Variants in UBAP2 observed in about 807,000 individuals in gnomAD.
UBAP2 encodes ubiquitin-associated protein 2.
A neutral mutation model predicts 139.6 loss-of-function variants in UBAP2; 75 were observed. That is an observed-to-expected ratio of 0.54 (90% CI 0.45 to 0.65). UBAP2 has a LOEUF of 0.65. UBAP2 is among the 30% of genes least tolerant of loss of function. The pLI is 0.00. For synonymous variants in UBAP2, 526 were observed against 526.2 expected, an observed-to-expected ratio of 1.00 and a Z score of 0.01; for missense variants, 1,368 against 1,369.6, an observed-to-expected ratio of 1.00 and a Z score of 0.02.
In UBAP2 at chr9:33,922,722, G is replaced by A; in HGVS notation, c.3229C>T (p.Gln1077Ter). 1.3e-6 allele frequency: 2 copies of A among 1,551,692 alleles called. No homozygotes were observed. The highest frequency in any genetic ancestry group is 1.4e-5 in the African/African-American group (1 of 73,216). Residue 1077 changes from glutamine (Q) to a stop codon, truncating the protein, a stop_gained, in exon 28 of 29, where the codon CAG becomes TAG. Coordinates refer to ENST00000379238, the MANE Select transcript of UBAP2 (RefSeq NM_001370062.2). LOFTEE classifies it high-confidence loss of function. ...ILPAHQQPHS[Q>*]LLHHHLPQDA... ...TGCGGAAGGTGGTGGTGCAGCAGCT[G>A]TGAGTGGGGCTGCTGGTGGGCTGGC...
chr9:33,923,708 C>T, intron 24 of UBAP2, 87 bp downstream of exon 24: 2 of 1,399,386 alleles, frequency 1.4e-6, no homozygotes, highest in South Asian at 1.2e-5. Context: ...TCACAACCCT[C>T]CCTCCCTGCT....
intron 8 of UBAP2, chr9:33,968,187 T>C (rs1023684841): frequency 2.4e-5 from 15 of 613,610 alleles, no homozygotes; most frequent in Admixed American, 2.4e-4. Flanking sequence ...GGTTTTGGGA[T>C]ATTTGGTGCA....
At chr9:33,953,103 C>G (rs954971039) in intron 12 of UBAP2, among the ~76,000 whole-genome samples, 182 bp downstream of exon 12, 4 of 152,160 alleles carry the variant, frequency 2.6e-5, no homozygotes, top group Non-Finnish European at 5.9e-5. Context: ...CTCCTGGGTT[C>G]AAGTAATCCT....
intron 1 of UBAP2, among the ~76,000 whole-genome samples, chr9:34,034,216 T>C (rs1826131353): frequency 2.0e-5 from 3 of 152,214 alleles, no homozygotes; most frequent in African/African-American, 7.2e-5. Flanking sequence ...ACATCATCTC[T>C]AGGTTTTATT....
intron 1 of UBAP2, among the ~76,000 whole-genome samples, chr9:34,020,465 G>C (rs1487314911): frequency 6.6e-6 from 1 of 151,726 alleles, no homozygotes; most frequent in Non-Finnish European, 1.5e-5. Flanking sequence ...ACTGGGACCA[G>C]AGGCACGCGC....
chr9:33,956,347 C>A (rs1015276740), intron 10 of UBAP2, among the ~76,000 whole-genome samples: 4 of 142,688 alleles, frequency 2.8e-5, no homozygotes, highest in African/African-American at 1.1e-4. Flanking sequence ...GAGACAGGGT[C>A]TGGCGCTGTT....
intron 8 of UBAP2, among the ~76,000 whole-genome samples, chr9:33,964,641 A>G (rs1012937476): frequency 2.0e-5 from 3 of 151,872 alleles, no homozygotes; most frequent in Non-Finnish European, 4.4e-5. Context: ...TTGAGGTTGT[A>G]GTGCACTAAG....
rs966663965 is a variant in UBAP2, at chr9:33,926,930, G to A, written c.2463+59C>T. 1.9e-6 allele frequency: 3 copies of A among 1,554,334 alleles called. No individual in the cohort carries two copies. The South Asian group carries it at 3.3e-5, about 17-fold the overall frequency. On this transcript the variant is annotated intron_variant, in intron 21 of 28. Coordinates refer to ENST00000379238, the MANE Select transcript of UBAP2 (RefSeq NM_001370062.2). ...TGGGCCCAACGCCAGGTTCCTGCCA[G>A]GTGCCAGCCCCCGAGGCCAGGGGAG...
Position 33,927,081 on chromosome 9 carries a change from C to G in UBAP2, c.2372-1G>C. 2 of 1,609,200 alleles carry G rather than the reference C, an allele frequency of 1.2e-6. No homozygotes were observed. On this transcript the variant is annotated splice_acceptor_variant, in intron 20 of 28. Transcript: ENST00000379238. LOFTEE classifies it high-confidence loss of function. ...TGAGGTAAGTTTGGGGGTGCTTTGCCTGTATAGAGGGAAAAATCAAATGGA... is the reference window on the plus strand; with the variant it reads ...TGAGGTAAGTTTGGGGGTGCTTTGCGTGTATAGAGGGAAAAATCAAATGGA...
chr9:34,028,423 A>G (rs1825602281), intron 1 of UBAP2, among the ~76,000 whole-genome samples: 1 of 148,462 alleles, frequency 6.7e-6, no homozygotes, highest in Non-Finnish European at 1.5e-5. Context: ...GTTGTCACCC[A>G]GGCTGGAGTG....
intron 16 of UBAP2, among the ~76,000 whole-genome samples, chr9:33,936,675 A>C (rs1824549725): frequency 6.6e-6 from 1 of 152,172 alleles, no homozygotes; most frequent in African/African-American, 2.4e-5. Flanking sequence ...CAAATAAATA[A>C]ATAAAGGAGA....
chr9:34,028,568 A>G (rs1029532817), intron 1 of UBAP2, among the ~76,000 whole-genome samples: 5 of 151,674 alleles, frequency 3.3e-5, no homozygotes, highest in Non-Finnish European at 4.4e-5. Context: ...TTTGGTAGAG[A>G]TGGGGTTCAC....
At position 33,963,632 on chromosome 9, in the gene UBAP2, A is replaced by G; in HGVS notation, c.745+94T>C. On this transcript the variant is annotated intron_variant, in intron 9 of 28. Coordinates refer to ENST00000379238, the MANE Select transcript of UBAP2 (RefSeq NM_001370062.2). The stretch of plus-strand genomic sequence containing the variant: ...TAGTTTACAAACATTTATCTGATAA[A>G]TTTTTATTAGCTAGCTTTGATAAAA... 3 of 744,370 alleles carry G rather than the reference A, an allele frequency of 4.0e-6. No homozygotes were observed. The South Asian group carries it at 5.5e-5, about 14-fold the overall frequency. 46.1% of individuals were successfully genotyped at this position (744,370 alleles called of 1,614,324 possible). A position where few individuals can be genotyped will look rare whatever the true frequency, so the allele number is the denominator to read the frequency against.
intron 4 of UBAP2, among the ~76,000 whole-genome samples, chr9:33,993,631 A>C (rs1388205861): frequency 6.6e-6 from 1 of 152,198 alleles, no homozygotes; most frequent in Non-Finnish European, 1.5e-5. Flanking sequence ...GCACCACTGC[A>C]CTCTAGCCTG....
intron 11 of UBAP2, among the ~76,000 whole-genome samples, chr9:33,955,169 A>C (rs1826441604): frequency 6.7e-6 from 1 of 149,906 alleles, no homozygotes; most frequent in African/African-American, 2.4e-5. Context: ...CAATGTATTA[A>C]GTTCATTCTG....
intron 2 of UBAP2, among the ~76,000 whole-genome samples, chr9:34,013,864 G>A (rs764202013): frequency 8.6e-5 from 13 of 151,306 alleles, no homozygotes; most frequent in East Asian, 1.9e-4. Context: ...GCGACAGAGC[G>A]AGGCTCCATC....
intron 18 of UBAP2, 85 bp downstream of exon 18, chr9:33,933,405 C>T: frequency 6.8e-7 from 1 of 1,462,092 alleles, no homozygotes; most frequent in Non-Finnish European, 9.3e-7. Context: ...AACAAGTGTG[C>T]TCTGTTCATG....
intron 19 of UBAP2, among the ~76,000 whole-genome samples, chr9:33,929,215 A>T (rs113608424): frequency 0.021 from 3,164 of 152,298 alleles, 116 homozygotes; most frequent in African/African-American, 0.071. Context: ...GGATATATAC[A>T]ACCTTTTAAT....
intron 12 of UBAP2, 87 bp downstream of exon 12, chr9:33,953,198 T>C (rs1288386146): frequency 2.4e-6 from 3 of 1,252,176 alleles, no homozygotes; most frequent in African/African-American, 1.5e-5. Context: ...ATTTAGAAAG[T>C]AATTATAAAG....
Sources: allele counts gnomAD v4.1 joint callset (sites outside exome capture counted in the v4.1 genomes callset), GRCh38; gene constraint gnomAD v4.1.1; transcripts MANE v1.5; gene names NCBI Gene and HGNC (gene_info 2026-07-23, HGNC 2026-07-21).